The following GABBR2 variants were observed in gnomAD, a reference collection of about 807,000 sequenced individuals.
GABBR2 encodes G-protein coupled receptor 51.
Under a neutral mutation model 105.6 loss-of-function variants are expected in GABBR2, and 23 were observed. The ratio of observed to expected loss-of-function variants is 0.22; its 90% CI spans 0.16 to 0.31. The LOEUF is 0.31. Ranked by LOEUF, GABBR2 falls within the 10% of genes least tolerant of loss-of-function variation. The probability of loss-of-function intolerance (pLI) is 1.00; values close to 1 mark genes in which losing one functional copy is unlikely to be tolerated. For synonymous variants in GABBR2, 478 were observed against 499.7 expected, an observed-to-expected ratio of 0.96 and a Z score of 0.58; for missense variants, 734 against 1,245.5, an observed-to-expected ratio of 0.59 and a Z score of 6.18.
chr9:98,474,490 A>G (rs1267787444), intron 5 of GABBR2, among the ~76,000 whole-genome samples: 1 of 152,152 alleles, frequency 6.6e-6, no homozygotes, highest in Non-Finnish European at 1.5e-5. Context: ...AAATACCCAG[A>G]AGTGACTACA....
intron 1 of GABBR2, among the ~76,000 whole-genome samples, chr9:98,582,432 C>A (rs1037386967): frequency 1.1e-4 from 16 of 152,176 alleles, no homozygotes; most frequent in African/African-American, 2.9e-4. Flanking sequence ...AGATACGAAC[C>A]CAGCCCAGAT....
At chr9:98,309,505 G>T (rs901699576) in intron 14 of GABBR2, among the ~76,000 whole-genome samples, 2 of 152,188 alleles carry the variant, frequency 1.3e-5, no homozygotes, top group Admixed American at 6.5e-5. Context: ...GGGGCTCCAT[G>T]GCATCTATGG....
chr9:98,670,338 T>C lies in GABBR2; in HGVS notation c.321+38079A>G, dbSNP rs370632672. On this transcript the variant is annotated intron_variant, in intron 1 of 18. Coordinates refer to ENST00000259455, the MANE Select transcript of GABBR2 (RefSeq NM_005458.8). ...GCCACTACCAAAAAAGTCCAGAAAA[T>C]AACAAGTGTTGATGAGGACATAGAG... Among the ~76,000 whole-genome samples the C allele has an allele frequency of 2.0e-5, 3 of 150,116 alleles. No individual in the cohort carries two copies. The South Asian group carries it at 6.3e-4, about 31-fold the overall frequency.
chr9:98,551,775 G>GGAGC (rs1260258092), intron 2 of GABBR2, among the ~76,000 whole-genome samples: 3 of 152,166 alleles, frequency 2.0e-5, no homozygotes, highest in African/African-American at 7.2e-5. Context: ...GCCTCTTTAG[G>GGAGC]GAGCCGGGAC....
intron 1 of GABBR2, among the ~76,000 whole-genome samples, chr9:98,670,059 G>A (rs1166901521): frequency 6.6e-6 from 1 of 152,144 alleles, no homozygotes; most frequent in African/African-American, 2.4e-5. Flanking sequence ...ACTAGGGGAG[G>A]ATGAGGGCCA....
At chr9:98,539,155 AC>A (rs1828241603) in intron 3 of GABBR2, among the ~76,000 whole-genome samples, 1 of 152,180 alleles carries the variant, frequency 6.6e-6, no homozygotes, top group African/African-American at 2.4e-5. Flanking sequence ...TGGGCTCTTT[AC>A]CAGCATGCGC....
intron 13 of GABBR2, among the ~76,000 whole-genome samples, chr9:98,315,808 G>T (rs1442161116): frequency 1.3e-5 from 2 of 152,176 alleles, no homozygotes; most frequent in African/African-American, 2.4e-5. Flanking sequence ...AGATCGGTGG[G>T]GCCGGAAACG....
At chr9:98,598,746 A>T (rs4743238) in intron 1 of GABBR2, among the ~76,000 whole-genome samples, 41,610 of 151,870 alleles carry the variant, frequency 0.27, 6,172 homozygotes, top group Non-Finnish European at 0.34. Flanking sequence ...TGGCTGGCAG[A>T]CACTTGGACC....
At chr9:98,620,555 T>C (rs924884421) in intron 1 of GABBR2, among the ~76,000 whole-genome samples, 2 of 152,044 alleles carry the variant, frequency 1.3e-5, no homozygotes, top group African/African-American at 2.4e-5. Context: ...AACCCACCCT[T>C]GATTTTTTAA....
intron 8 of GABBR2, among the ~76,000 whole-genome samples, chr9:98,404,784 T>G (rs951655808): frequency 9.2e-5 from 14 of 152,022 alleles, no homozygotes; most frequent in African/African-American, 3.4e-4. Context: ...CAACAGAAAG[T>G]TCAACGCATG....
At chr9:98,425,222 GTGAATGAA>G (rs3029536) in intron 7 of GABBR2, among the ~76,000 whole-genome samples, 4 of 151,690 alleles carry the variant, frequency 2.6e-5, no homozygotes, top group Admixed American at 6.6e-5. Flanking sequence ...GAATGAATGG[GTGAATGAA>G]TGAATGAATG....
chr9:98,329,154 A>T (rs1194516951), intron 13 of GABBR2, among the ~76,000 whole-genome samples: 1 of 152,184 alleles, frequency 6.6e-6, no homozygotes, highest in African/African-American at 2.4e-5. Context: ...GGTTTCAAAG[A>T]TTCACCAAGG....
At chr9:98,693,868 G>C (rs1294001120) in intron 1 of GABBR2, among the ~76,000 whole-genome samples, 1 of 152,238 alleles carries the variant, frequency 6.6e-6, no homozygotes, top group Admixed American at 6.5e-5. Context: ...CCAGGCCACA[G>C]CATGCAGAGA....
intron 2 of GABBR2, among the ~76,000 whole-genome samples, chr9:98,565,056 T>C (rs1188219677): frequency 6.6e-6 from 1 of 152,098 alleles, no homozygotes; most frequent in African/African-American, 2.4e-5. Flanking sequence ...TTCTATGCCT[T>C]AGCATGAGGG....
At chr9:98,319,855 C>T (rs1469358516) in intron 13 of GABBR2, among the ~76,000 whole-genome samples, 8 of 152,176 alleles carry the variant, frequency 5.3e-5, no homozygotes, top group African/African-American at 1.9e-4. Flanking sequence ...TCCTCACCTT[C>T]AGGAAGTTCT....
chr9:98,701,184 A>T (rs1390291352), intron 1 of GABBR2, among the ~76,000 whole-genome samples: 4 of 152,222 alleles, frequency 2.6e-5, no homozygotes, highest in Admixed American at 6.5e-5. Context: ...AAAGTCAAAT[A>T]CACAAAGAAG....
chr9:98,357,539 T>C (rs1831506359), intron 13 of GABBR2, among the ~76,000 whole-genome samples: 1 of 152,014 alleles, frequency 6.6e-6, no homozygotes, highest in African/African-American at 2.4e-5. Flanking sequence ...TCCCAGCTAC[T>C]TGGGGGGCTG....
At chr9:98,447,507 C>T (rs1252762259) in intron 7 of GABBR2, among the ~76,000 whole-genome samples, 1 of 151,036 alleles carries the variant, frequency 6.6e-6, no homozygotes, top group African/African-American at 2.4e-5. Context: ...GATGGGACAA[C>T]TCTAACAAGA....
At chr9:98,668,394 T>C (rs1399744929) in intron 1 of GABBR2, among the ~76,000 whole-genome samples, 1 of 152,230 alleles carries the variant, frequency 6.6e-6, no homozygotes, top group Non-Finnish European at 1.5e-5. Flanking sequence ...TACCATTTTA[T>C]GGGTTTTTTT....
Sources: gnomAD v4.1 joint callset for allele counts (sites outside exome capture counted in the v4.1 genomes callset) on GRCh38, gnomAD v4.1.1 for gene constraint, MANE v1.5 for transcripts, NCBI Gene and HGNC (gene_info 2026-07-23, HGNC 2026-07-21) for gene names.